The following SCAPER variants were observed in gnomAD, a reference collection of about 807,000 sequenced individuals.
The protein encoded by SCAPER is S-phase cyclin A associated protein in the ER, also known as S phase cyclin A-associated protein in the endoplasmic reticulum.
SCAPER carries 98 observed loss-of-function variants against 182.2 expected under a neutral mutation model. The observed-to-expected ratio is 0.54, with a 90% CI of 0.46 to 0.64. The LOEUF (loss-of-function observed/expected upper bound fraction) is 0.64. SCAPER is among the 30% of genes least tolerant of loss of function. SCAPER has a pLI of 0.00. For synonymous variants in SCAPER, 605 were observed against 564.6 expected (o/e 1.07, Z -1.01); for missense variants, 1,432 against 1,690.0 (o/e 0.85, Z 2.68).
In SCAPER at chr15:76,440,907, G is replaced by GTTTTTTTT. The variant is rs1225009824; in HGVS notation, c.3079-6605_3079-6598dup. On this transcript the variant is annotated intron_variant, in intron 25 of 31. Transcript: ENST00000563290. ...ATCTTTTAAAATTATTCCCCTTCTG[G>GTTTTTTTT]TTTTTTTTTTGTTTTTTTTTTTTTT... is the stretch of plus-strand genomic sequence containing the variant. Among the ~76,000 whole-genome samples, 19 of 82,850 alleles carry GTTTTTTTT rather than the reference G, an allele frequency of 2.3e-4. 2 individuals are homozygous for GTTTTTTTT. Among genetic ancestry groups the GTTTTTTTT allele is most frequent in the African/African-American group, 4.4e-4 (10 of 22,874 alleles). The allele number at this position is 82,850 out of a possible 152,430, so 54.4% of individuals were successfully genotyped here. A position where few individuals can be genotyped will look rare whatever the true frequency, so the allele number is the denominator to read the frequency against.
At position 76,431,676 on chromosome 15, in the gene SCAPER, C is replaced by CAAAAAAAAAAAAAAAAAAAAAAAAAAA. The variant is rs60675828; in HGVS notation, c.3311+2375_3311+2401dup. On this transcript the variant is annotated intron_variant, in intron 26 of 31. Coordinates refer to ENST00000563290, the MANE Select transcript of SCAPER (RefSeq NM_020843.4). The stretch of plus-strand genomic sequence containing the variant: ...AGAAGGCAAGTATGAAAATGATTAG[C>CAAAAAAAAAAAAAAAAAAAAAAAAAAA]AAAAAAAAAAAAAAAAAAAAAAAAA... 3.0e-4 allele frequency among the ~76,000 whole-genome samples: 14 copies of CAAAAAAAAAAAAAAAAAAAAAAAAAAA among 47,126 alleles called. 1 individual carries two copies. The highest frequency in any genetic ancestry group is 4.9e-4 in the African/African-American group (5 of 10,250). 30.9% of individuals were successfully genotyped at this position (47,126 alleles called of 152,430 possible). A position where few individuals can be genotyped will look rare whatever the true frequency, so the allele number is the denominator to read the frequency against.
intron 23 of SCAPER, among the ~76,000 whole-genome samples, chr15:76,527,696 C>T (rs890931890): frequency 1.1e-4 from 16 of 152,284 alleles, no homozygotes; most frequent in Middle Eastern, 3.4e-3. Context: ...AGTCTGCCTC[C>T]GGACAAGGAG....
At chr15:76,578,896 A>T (rs1212401336) in intron 22 of SCAPER, among the ~76,000 whole-genome samples, 1 of 152,126 alleles carries the variant, frequency 6.6e-6, no homozygotes, top group Non-Finnish European at 1.5e-5. Context: ...GAGATAAGTG[A>T]CTCTTTCAGG....
chr15:76,419,193 C>T (rs187542856), intron 26 of SCAPER, among the ~76,000 whole-genome samples: 69 of 152,262 alleles, frequency 4.5e-4, no homozygotes, highest in African/African-American at 1.7e-3. Flanking sequence ...AAAGCCAACA[C>T]ACGGTACCCA....
rs1243362147 is a variant in SCAPER, at chr15:76,621,776, G to C, written c.2699C>G (p.Pro900Arg). ...GTGGAATACTCACTTTGCTTTATAA[G>C]GTGAATCAGAGCCAGAATTTTTGGT... ...METKNSGSDS[P>R]YKAKLQRLAK... The change falls in exon 22 of 32, where the codon CCT (proline) becomes CGT (arginine). Residue 900 changes from proline to arginine, a missense_variant. This residue lies in a region of SCAPER where 718 missense variants were observed against 799.7 expected (regional missense o/e 0.90). Transcript: ENST00000563290. The C allele has an allele frequency of 2.5e-6, 4 of 1,607,144 alleles. No individual in the cohort carries two copies. Among genetic ancestry groups the C allele is most frequent in the Non-Finnish European group, 3.4e-6 (4 of 1,176,616 alleles).
chr15:76,556,937 A>C (rs569728756), intron 23 of SCAPER, among the ~76,000 whole-genome samples: 60 of 152,332 alleles, frequency 3.9e-4, no homozygotes, highest in African/African-American at 1.3e-3. Context: ...TCAATGTATA[A>C]AAATCAGAGG....
chr15:76,701,932 C>T (rs1378509167), intron 19 of SCAPER, 67 bp from the exon 20 acceptor site: 10 of 1,098,834 alleles, frequency 9.1e-6, no homozygotes, highest in South Asian at 2.6e-5. Context: ...ACTACACATT[C>T]AGTCCAGTAT....
chr15:76,702,262 C>CTTTCT (rs1555541557), intron 19 of SCAPER, among the ~76,000 whole-genome samples: 18 of 143,278 alleles, frequency 1.3e-4, no homozygotes, highest in African/African-American at 5.3e-4. Flanking sequence ...GAAAATGTTG[C>CTTTCT]TTTTTTTTTA....
In SCAPER at chr15:76,701,808, C is replaced by G. The variant is rs773051541; in HGVS notation, c.2458G>C (p.Val820Leu). The G allele has an allele frequency of 3.0e-5, 49 of 1,613,722 alleles. No individual in the cohort carries two copies. The Admixed American group carries it at 8.0e-4, about 26-fold the overall frequency. The change falls in exon 20 of 32, where the codon GTG (valine) becomes CTG (leucine). Residue 820 changes from valine to leucine, a missense_variant. This residue lies in a region of SCAPER where 718 missense variants were observed against 799.7 expected (regional missense o/e 0.90). Transcript: ENST00000563290. Reference protein sequence around the residue: ...HVKGRKHQQAVRENTSIQGRE... With the variant: ...HVKGRKHQQALRENTSIQGRE... ...CCCTGGATGCTGGTATTCTCTCTCACGGCTTGCTGGTGTTTTCTCCCTTTA... is the reference window on the plus strand; with the variant it reads ...CCCTGGATGCTGGTATTCTCTCTCAGGGCTTGCTGGTGTTTTCTCCCTTTA...
intron 29 of SCAPER, among the ~76,000 whole-genome samples, chr15:76,373,159 T>C (rs958345349): frequency 1.3e-5 from 2 of 151,906 alleles, no homozygotes; most frequent in African/African-American, 4.8e-5. Flanking sequence ...GCAATTCTCC[T>C]GTCTCAGCCT....
chr15:76,680,450 A>AATG (rs1274520370), intron 20 of SCAPER, among the ~76,000 whole-genome samples: 22 of 142,202 alleles, frequency 1.5e-4, no homozygotes, highest in African/African-American at 5.7e-4. Flanking sequence ...TAATAATAAT[A>AATG]ATACAGGGGC....
At chr15:76,644,696 T>C (rs766432017) in intron 21 of SCAPER, among the ~76,000 whole-genome samples, 17 of 152,138 alleles carry the variant, frequency 1.1e-4, no homozygotes, top group Non-Finnish European at 1.6e-4. Flanking sequence ...AAACTACTTA[T>C]AGGCATCTGA....
chr15:76,522,385 A>G (rs1197449764), intron 23 of SCAPER, among the ~76,000 whole-genome samples: 1 of 152,270 alleles, frequency 6.6e-6, no homozygotes, highest in Non-Finnish European at 1.5e-5. Flanking sequence ...GCTGATTTCA[A>G]TTCTATCAAT....
At chr15:76,640,694 T>C (rs2054030716) in intron 21 of SCAPER, among the ~76,000 whole-genome samples, 1 of 152,222 alleles carries the variant, frequency 6.6e-6, no homozygotes, top group South Asian at 2.1e-4. Context: ...TATGGTTCAT[T>C]TAAATCAGAG....
intron 14 of SCAPER, 27 bp downstream of exon 14, chr15:76,764,934 A>G: frequency 7.1e-7 from 1 of 1,411,408 alleles, no homozygotes; most frequent in Non-Finnish European, 9.7e-7. Context: ...TCAGACTATC[A>G]TAATTTCCTA....
chr15:76,575,548 C>T (rs1219391571), intron 22 of SCAPER, among the ~76,000 whole-genome samples: 1 of 152,210 alleles, frequency 6.6e-6, no homozygotes, highest in Non-Finnish European at 1.5e-5. Flanking sequence ...TCCTTCCAGA[C>T]AGGACTAATT....
chr15:76,473,722 A>G (rs1178022510), intron 24 of SCAPER, among the ~76,000 whole-genome samples: 1 of 152,156 alleles, frequency 6.6e-6, no homozygotes, highest in African/African-American at 2.4e-5. Context: ...CACATATTCA[A>G]GTTAGAGAAC....
intron 15 of SCAPER, chr15:76,736,989 C>T (rs74024443): frequency 0.049 from 7,408 of 152,400 alleles, 223 homozygotes; most frequent in South Asian, 0.12. Flanking sequence ...TTTGCAGTTG[C>T]TTCCTTAACT....
At chr15:76,425,806 CTTTG>C (rs1048121892) in intron 26 of SCAPER, among the ~76,000 whole-genome samples, 5 of 152,034 alleles carry the variant, frequency 3.3e-5, no homozygotes, top group Non-Finnish European at 1.5e-5. Flanking sequence ...TGTGGATGTC[CTTTG>C]TTTGTTAGTT....
Sources: gnomAD v4.1 joint callset for allele counts (sites outside exome capture counted in the v4.1 genomes callset) on GRCh38, gnomAD v4.1.1 for gene constraint, gnomAD v4.1.1 regional missense constraint, MANE v1.5 for transcripts, NCBI Gene and HGNC (gene_info 2026-07-23, HGNC 2026-07-21) for gene names.